AK9: variants seen among roughly 807,000 people sequenced by gnomAD.
AK9 encodes the protein adenylate kinase domain containing 1.
In AK9, 191 loss-of-function variants were observed where a neutral mutation model predicts 239.6. That is an observed-to-expected ratio of 0.80 (90% CI 0.71 to 0.90). The LOEUF (loss-of-function observed/expected upper bound fraction) is 0.90, where lower values mean the gene tolerates loss of function less well. Among genes scored for constraint, AK9 ranks in the 40% least tolerant of loss-of-function variants. The pLI is 0.00. For missense variants in AK9, 1,995 were observed against 2,214.7 expected (o/e 0.90, Z 1.99); for synonymous variants, 689 against 721.0 (o/e 0.96, Z 0.71).
At chr6:109,568,149 A>G (rs1786861265) in intron 21 of AK9, among the ~76,000 whole-genome samples, 1 of 152,232 alleles carries the variant, frequency 6.6e-6, no homozygotes, top group African/African-American at 2.4e-5. Flanking sequence ...AACGTAATCC[A>G]GCATATAAAC....
chr6:109,542,059 T>G lies in AK9; in HGVS notation c.3338A>C (p.Lys1113Thr), dbSNP rs371573049. 2 of 1,598,516 alleles carry G rather than the reference T, an allele frequency of 1.3e-6. No individual in the cohort carries two copies. The highest frequency in any genetic ancestry group is 1.3e-5 in the African/African-American group (1 of 74,184). ...TAAATTAAGATACCGTATTGGTTCC[T>G]TAAGCCACCACTCAGAAAGAATTAC... ...LEVILSEWWL[K>T]EPIRSTGFIL... The change falls in exon 27 of 41, where the codon AAG (lysine) becomes ACG (threonine). Residue 1113 changes from lysine (K) to threonine (T), a missense_variant. Transcript: ENST00000424296.
At chr6:109,664,778 T>C (rs183910956) in intron 5 of AK9, among the ~76,000 whole-genome samples, 2 of 150,824 alleles carry the variant, frequency 1.3e-5, no homozygotes, top group Admixed American at 1.3e-4. Flanking sequence ...GTCATGCCTG[T>C]AATCCCAGCA....
Position 109,632,362 on chromosome 6 carries a change from A to G in AK9, c.1254+561T>C, listed in dbSNP as rs976378373. Reference sequence around the variant, plus strand: ...CCTTCTAGAATTCCTCCACATTCCAATCCCTCATCAAATCTTTCAGCTTTG... The same window carrying G: ...CCTTCTAGAATTCCTCCACATTCCAGTCCCTCATCAAATCTTTCAGCTTTG... On this transcript the variant is annotated intron_variant, in intron 12 of 40. Transcript: ENST00000424296. 3.1e-6 allele frequency: 3 copies of G among 960,758 alleles called. No individual in the cohort carries two copies. In the African/African-American group the frequency reaches 5.3e-5, roughly 17 times the overall value. The allele number at this position is 960,758 out of a possible 1,614,324, so 59.5% of individuals were successfully genotyped here. A position where few individuals can be genotyped will look rare whatever the true frequency, so the allele number is the denominator to read the frequency against.
chr6:109,608,850 T>C (rs968855360), intron 17 of AK9, among the ~76,000 whole-genome samples: 1 of 151,662 alleles, frequency 6.6e-6, no homozygotes. Context: ...AAAGAAACAA[T>C]CCAATTTAAA....
intron 1 of AK9, among the ~76,000 whole-genome samples, chr6:109,687,739 G>C (rs927794316): frequency 2.6e-5 from 4 of 152,234 alleles, no homozygotes; most frequent in Non-Finnish European, 5.9e-5. Flanking sequence ...CCTGAGCAGA[G>C]GACCCAGGTG....
chr6:109,560,339 TC>T (rs1396018670), intron 24 of AK9, among the ~76,000 whole-genome samples: 1 of 152,170 alleles, frequency 6.6e-6, no homozygotes, highest in Non-Finnish European at 1.5e-5. Flanking sequence ...AGAATGAACA[TC>T]CTTTCCTTGT....
At chr6:109,659,977 A>G (rs1410950302) in intron 6 of AK9, among the ~76,000 whole-genome samples, 1 of 152,214 alleles carries the variant, frequency 6.6e-6, no homozygotes, top group East Asian at 1.9e-4. Context: ...AGCCAAAACC[A>G]AAGTCTACAA....
At chr6:109,525,864 T>C (rs1378457855) in intron 29 of AK9, among the ~76,000 whole-genome samples, 2 of 152,202 alleles carry the variant, frequency 1.3e-5, no homozygotes, top group Non-Finnish European at 2.9e-5. Context: ...CTACTCACAA[T>C]AGCAAAGACA....
At chr6:109,522,311 C>T (rs754521719) in intron 29 of AK9, among the ~76,000 whole-genome samples, 3 of 151,948 alleles carry the variant, frequency 2.0e-5, no homozygotes, top group Non-Finnish European at 4.4e-5. Context: ...AATTTGAAGA[C>T]CTCCTGCTCT....
chr6:109,662,693 T>A, intron 5 of AK9, 30 bp from the exon 6 acceptor site: 1 of 1,269,140 alleles, frequency 7.9e-7, no homozygotes. Flanking sequence ...TTTAAAACTT[T>A]TATAAAATTA....
Position 109,662,639 on chromosome 6 carries a change from G to A in AK9, c.356C>T (p.Ser119Leu). The stretch of plus-strand genomic sequence containing the variant: ...GGTAGTCATGGCATCCTGTGAAAGT[G>A]ATGGTATTTCAGTGATAATATAACC... ...HFGYIITEIP[S>L]LSQDAMTTLQ... Residue 119 changes from serine (S) to leucine (L), a missense_variant, in exon 6 of 41, where the codon TCA becomes TTA. Coordinates refer to ENST00000424296, the MANE Select transcript of AK9 (RefSeq NM_001145128.3). 1 of 1,574,842 alleles carries A rather than the reference G, an allele frequency of 6.3e-7. No individual in the cohort carries two copies. The highest frequency in any genetic ancestry group is 8.6e-7 in the Non-Finnish European group (1 of 1,160,148).
chr6:109,634,016 AG>A, intron 10 of AK9, among the ~76,000 whole-genome samples: 1 of 152,170 alleles, frequency 6.6e-6, no homozygotes, highest in Non-Finnish European at 1.5e-5. Flanking sequence ...GTTCCTTACC[AG>A]GGGATGAGAA....
rs1374843411 is a variant in AK9 at position 109,506,382 on chromosome 6, C to T, written c.4794G>A (p.Lys1598=). ...TGTATTTATTCACCATTTGAACATT[C>T]TTAATGACTTCATTCCATACCCACC... The part of the protein sequence containing the change: ...SKWWVWNEVI[K]NVQMVNKYMQ... Residue 1598 remains lysine (K), a synonymous_variant, in exon 35 of 41, where the codon AAG becomes AAA. Coordinates refer to ENST00000424296, the MANE Select transcript of AK9 (RefSeq NM_001145128.3). 2 of 1,613,618 alleles carry T rather than the reference C, an allele frequency of 1.2e-6. No individual in the cohort carries two copies. The highest frequency in any genetic ancestry group is 1.7e-6 in the Non-Finnish European group (2 of 1,179,930).
intron 24 of AK9, among the ~76,000 whole-genome samples, chr6:109,561,313 ATGTTT>A (rs1471600776): frequency 6.6e-6 from 1 of 150,504 alleles, no homozygotes. Context: ...AGTTTATTTT[ATGTTT>A]TGTTTTGTTT....
At chr6:109,628,858 A>G (rs1393502452) in intron 12 of AK9, among the ~76,000 whole-genome samples, 1 of 152,120 alleles carries the variant, frequency 6.6e-6, no homozygotes, top group African/African-American at 2.4e-5. Flanking sequence ...CAGTGCCAGA[A>G]ACATGTTTTT....
chr6:109,513,933 G>A (rs746044685), intron 32 of AK9, among the ~76,000 whole-genome samples: 4 of 152,128 alleles, frequency 2.6e-5, no homozygotes. Context: ...GAATCAGCAG[G>A]AGAAGTCAGT....
chr6:109,545,999 TA>T lies in AK9; in HGVS notation c.3092del (p.Leu1031HisfsTer57). The part of the protein sequence containing the change: ...QFEEVLQEKL[L>X]LKTEKKVGPE... ...GTCCCACTTTCTTTTCAGTTTTGAG[TA>T]GTAGTTTTTCTTGAAGAACTTCTTC... is the stretch of plus-strand genomic sequence containing the variant. On this transcript the variant is annotated frameshift_variant, in exon 26 of 41. Transcript: ENST00000424296. LOFTEE classifies it high-confidence loss of function. The T allele has an allele frequency of 6.2e-7, 1 of 1,614,128 alleles. No homozygotes were observed. Among genetic ancestry groups the T allele is most frequent in the Non-Finnish European group, 8.5e-7 (1 of 1,180,014 alleles).
intron 26 of AK9, among the ~76,000 whole-genome samples, chr6:109,543,384 C>G (rs756374899): frequency 1.4e-4 from 22 of 152,098 alleles, no homozygotes; most frequent in Non-Finnish European, 2.6e-4. Flanking sequence ...AAACTGTAGA[C>G]AAGCAGGAGA....
chr6:109,507,733 C>G (rs555792744), intron 33 of AK9, among the ~76,000 whole-genome samples: 1 of 152,262 alleles, frequency 6.6e-6, no homozygotes, highest in East Asian at 1.9e-4. Context: ...GCTGTTAAAG[C>G]AAACTAAATA....
Sources: allele counts gnomAD v4.1 joint callset (sites outside exome capture counted in the v4.1 genomes callset), GRCh38; gene constraint gnomAD v4.1.1; transcripts MANE v1.5; gene names NCBI Gene and HGNC (gene_info 2026-07-23, HGNC 2026-07-21).